GLIS3: variants seen among roughly 807,000 people sequenced by gnomAD.
GLIS3 encodes GLIS family zinc finger 3.
Under a neutral mutation model 78.6 loss-of-function variants are expected in GLIS3, and 53 were observed. That is an observed-to-expected ratio of 0.67 (90% CI 0.54 to 0.85). The LOEUF is 0.85. Among genes scored for constraint, GLIS3 ranks in the 40% least tolerant of loss-of-function variants. GLIS3 has a pLI of 0.00. For synonymous variants in GLIS3, 684 were observed against 509.9 expected (o/e 1.34, Z -4.60); for missense variants, 1,703 against 1,231.1 (o/e 1.38, Z -5.74).
Position 4,227,964 on chromosome 9 carries a change from T to G in GLIS3, c.388+58074A>C, listed in dbSNP as rs1821918584. Among the ~76,000 whole-genome samples the G allele has an allele frequency of 2.0e-5, 3 of 152,152 alleles. No individual in the cohort carries two copies. The South Asian group carries it at 6.2e-4, about 31-fold the overall frequency. On this transcript the variant is annotated intron_variant, in intron 2 of 10. Transcript: ENST00000381971. ...AAATTGTTTGGGATCACATAATTTGTTGGGATCAGTACATGTCTAACTTAG... is the reference window on the plus strand; with the variant it reads ...AAATTGTTTGGGATCACATAATTTGGTGGGATCAGTACATGTCTAACTTAG...
At chr9:4,102,456 A>G (rs1003179231) in intron 4 of GLIS3, among the ~76,000 whole-genome samples, 20 of 152,094 alleles carry the variant, frequency 1.3e-4, no homozygotes, top group Admixed American at 9.8e-4. Flanking sequence ...GTGTTTCTCA[A>G]CCAGGGGCAG....
chr9:4,062,567 C>T (rs565295457), intron 4 of GLIS3, among the ~76,000 whole-genome samples: 2 of 152,286 alleles, frequency 1.3e-5, no homozygotes, highest in Admixed American at 6.5e-5. Flanking sequence ...ATTTTCATAC[C>T]TATAAAATGG....
the GLIS3 span, among the ~76,000 whole-genome samples, chr9:4,447,541 C>T: frequency 6.6e-6 from 1 of 152,050 alleles, no homozygotes; most frequent in African/African-American, 2.4e-5. Flanking sequence ...TTGTTTTATA[C>T]CTATTGTCCC....
At chr9:4,391,527 T>C in the GLIS3 span, among the ~76,000 whole-genome samples, 2 of 151,330 alleles carry the variant, frequency 1.3e-5, no homozygotes, top group African/African-American at 4.9e-5. Context: ...TCCTCATTGC[T>C]AGATTTATTC....
chr9:3,958,801 A>G (rs918589532), intron 4 of GLIS3, among the ~76,000 whole-genome samples: 4 of 152,262 alleles, frequency 2.6e-5, no homozygotes, highest in Non-Finnish European at 5.9e-5. Context: ...CAAAGTATAA[A>G]TAGGAGTTCA....
intron 2 of GLIS3, among the ~76,000 whole-genome samples, chr9:4,324,588 A>G (rs571033670): frequency 1.5e-4 from 23 of 152,310 alleles, no homozygotes; most frequent in Admixed American, 5.2e-4. Flanking sequence ...CCTTTTGCAC[A>G]TAAGTTTGGC....
rs75324314 is a variant in GLIS3 at position 4,141,956 on chromosome 9, G to A, written c.389-16015C>T. Among the ~76,000 whole-genome samples the A allele has an allele frequency of 2.0e-5, 3 of 152,128 alleles. No homozygotes were observed. The East Asian group carries it at 5.8e-4, about 29-fold the overall frequency. On this transcript the variant is annotated intron_variant, in intron 2 of 10. Coordinates refer to ENST00000381971, the MANE Select transcript of GLIS3 (RefSeq NM_001042413.2). ...TGTAAGCATTTCTGTAAACATGATTGGAACATGAGTTAGTATCGAAGTAAA... is the reference window on the plus strand; with the variant it reads ...TGTAAGCATTTCTGTAAACATGATTAGAACATGAGTTAGTATCGAAGTAAA...
chr9:4,144,541 A>G (rs1045430947), intron 2 of GLIS3, among the ~76,000 whole-genome samples: 5 of 152,232 alleles, frequency 3.3e-5, no homozygotes, highest in African/African-American at 1.2e-4. Flanking sequence ...ATTGGACTCT[A>G]CATGCCAAAA....
At chr9:3,829,957 T>C (rs1320305517) in intron 9 of GLIS3, among the ~76,000 whole-genome samples, 1 of 152,212 alleles carries the variant, frequency 6.6e-6, no homozygotes, top group East Asian at 1.9e-4. Flanking sequence ...CTATCTGTCT[T>C]TCCAATAGAG....
At chr9:4,068,829 T>TATGC (rs1827329350) in intron 4 of GLIS3, among the ~76,000 whole-genome samples, 1 of 100,280 alleles carries the variant, frequency 1.0e-5, no homozygotes. Context: ...TGCATGCATG[T>TATGC]ATGCATGTGT....
chr9:4,203,238 G>C (rs576997200), intron 2 of GLIS3, among the ~76,000 whole-genome samples: 4 of 152,278 alleles, frequency 2.6e-5, no homozygotes, highest in African/African-American at 9.6e-5. Flanking sequence ...TGCAGCAGTA[G>C]TCATCAGATA....
At chr9:4,415,765 G>T in the GLIS3 span, among the ~76,000 whole-genome samples, 2 of 151,378 alleles carry the variant, frequency 1.3e-5, no homozygotes, top group Non-Finnish European at 2.9e-5. Flanking sequence ...AAAAATCACA[G>T]ATCATATACA....
At chr9:4,327,028 G>A (rs1298199516) in intron 2 of GLIS3, among the ~76,000 whole-genome samples, 2 of 152,210 alleles carry the variant, frequency 1.3e-5, no homozygotes, top group Admixed American at 6.5e-5. Context: ...GTCAGGTGGG[G>A]TAGACAGACA....
In GLIS3 at chr9:4,117,818, G is replaced by A. The variant is rs1364249054; in HGVS notation, c.1660C>T (p.Leu554=). The change falls in exon 4 of 11, where the codon CTG becomes TTG. Residue 554 remains leucine (L), a synonymous_variant. Transcript: ENST00000381971. ...RYKPFNARYK[L]LIHMRVHSGE... ...GAGTGGACTCTCATGTGGATCAGCA[G>A]TTTATAGCGGGCGTTGAAGGGCTTG... The A allele has an allele frequency of 6.2e-7, 1 of 1,614,188 alleles. No individual in the cohort carries two copies. The highest frequency in any genetic ancestry group is 8.5e-7 in the Non-Finnish European group (1 of 1,180,026).
chr9:4,218,124 G>C (rs374511148), intron 2 of GLIS3, among the ~76,000 whole-genome samples: 1 of 152,172 alleles, frequency 6.6e-6, no homozygotes, highest in African/African-American at 2.4e-5. Context: ...AGTTGCTGCA[G>C]CTGAAAAGCC....
chr9:4,116,355 A>T (rs1457375828), intron 4 of GLIS3, among the ~76,000 whole-genome samples: 1 of 152,216 alleles, frequency 6.6e-6, no homozygotes, highest in Non-Finnish European at 1.5e-5. Flanking sequence ...GCAGAACCCT[A>T]GTGACAGAGT....
Position 3,986,125 on chromosome 9 carries a change from T to G in GLIS3, c.1711-48936A>C, listed in dbSNP as rs183870407. ...AACTACAAAATGCATTTTCAATATCTTAGAGCCACTGGGTTTGGTGAACAG... is the reference window on the plus strand; with the variant it reads ...AACTACAAAATGCATTTTCAATATCGTAGAGCCACTGGGTTTGGTGAACAG... On this transcript the variant is annotated intron_variant, in intron 4 of 10. Coordinates refer to ENST00000381971, the MANE Select transcript of GLIS3 (RefSeq NM_001042413.2). Among the ~76,000 whole-genome samples, 387 of 152,352 alleles carry G rather than the reference T, an allele frequency of 2.5e-3. 2 individuals are homozygous for G. The highest frequency in any genetic ancestry group is 9.1e-3 in the African/African-American group (377 of 41,576).
chr9:4,448,948 T>C, the GLIS3 span, among the ~76,000 whole-genome samples: 2 of 152,136 alleles, frequency 1.3e-5, no homozygotes, highest in Non-Finnish European at 2.9e-5. Context: ...AGGTACGTGG[T>C]TCATCTCACT....
chr9:4,036,237 TA>T (rs2130318283), intron 4 of GLIS3, among the ~76,000 whole-genome samples: 1 of 152,354 alleles, frequency 6.6e-6, no homozygotes, highest in East Asian at 1.9e-4. Context: ...TTGTTTGTTT[TA>T]TTTTTTCTGG....
Sources: gnomAD v4.1 joint callset for allele counts (sites outside exome capture counted in the v4.1 genomes callset) on GRCh38, gnomAD v4.1.1 for gene constraint, MANE v1.5 for transcripts, NCBI Gene and HGNC (gene_info 2026-07-23, HGNC 2026-07-21) for gene names.